The following SLC38A9 variants were observed in gnomAD, a reference collection of about 807,000 sequenced individuals.
SLC38A9 encodes solute carrier family 38 member 9.
Under a neutral mutation model 62.3 loss-of-function variants are expected in SLC38A9, and 48 were observed. The observed-to-expected ratio is 0.77, with a 90% CI of 0.61 to 0.98. The LOEUF (loss-of-function observed/expected upper bound fraction) is 0.98. SLC38A9 is among the 50% of genes least tolerant of loss of function. The probability of loss-of-function intolerance (pLI) is 0.00; values close to 1 mark genes in which losing one functional copy is unlikely to be tolerated. For synonymous variants in SLC38A9, 204 were observed against 227.7 expected, an observed-to-expected ratio of 0.90 and a Z score of 0.94; for missense variants, 541 against 679.8, an observed-to-expected ratio of 0.80 and a Z score of 2.27.
intron 3 of SLC38A9, among the ~76,000 whole-genome samples, chr5:55,684,846 G>A (rs1160475721): frequency 6.6e-6 from 1 of 152,058 alleles, no homozygotes; most frequent in African/African-American, 2.4e-5. Flanking sequence ...TAGAGACAGG[G>A]TTTCACCATG....
intron 3 of SLC38A9, among the ~76,000 whole-genome samples, chr5:55,687,450 A>AAAAAAAAAT (rs1754074106): frequency 6.8e-6 from 1 of 147,278 alleles, no homozygotes; most frequent in African/African-American, 2.5e-5. Context: ...AAAAAAAAAA[A>AAAAAAAAAT]AGTTTTTTCT....
intron 2 of SLC38A9, among the ~76,000 whole-genome samples, chr5:55,711,170 G>C (rs1757982837): frequency 6.6e-6 from 1 of 151,688 alleles, no homozygotes; most frequent in Non-Finnish European, 1.5e-5. Context: ...GCGGGCAGCT[G>C]TAATCCTAGC....
intron 3 of SLC38A9, among the ~76,000 whole-genome samples, chr5:55,683,203 T>C (rs573026587): frequency 6.6e-6 from 1 of 152,262 alleles, no homozygotes; most frequent in Admixed American, 6.5e-5. Flanking sequence ...ACAGTAAATA[T>C]ACCAAAAGGT....
chr5:55,630,005 C>A (rs930377293), intron 14 of SLC38A9, among the ~76,000 whole-genome samples: 5 of 152,130 alleles, frequency 3.3e-5, no homozygotes, highest in African/African-American at 9.7e-5. Context: ...CGTAAAAGAT[C>A]CAAAGTGCAC....
intron 2 of SLC38A9, among the ~76,000 whole-genome samples, chr5:55,705,264 C>G (rs57528700): frequency 0.047 from 7,210 of 151,812 alleles, 266 homozygotes; most frequent in African/African-American, 0.11. Flanking sequence ...AAAGACAAAA[C>G]TTGGTGTCAT....
In SLC38A9 at chr5:55,674,711, T is replaced by A. The variant is rs575363981; in HGVS notation, c.114-2016A>T. ...ACTAAGACAATAAGCATATTATTGT[T>A]AAGTGAATTAAGTGGTGTCAATATA... On this transcript the variant is annotated intron_variant, in intron 3 of 15. Coordinates refer to ENST00000396865, the MANE Select transcript of SLC38A9 (RefSeq NM_173514.4). Among the ~76,000 whole-genome samples the A allele has an allele frequency of 1.3e-3, 199 of 152,328 alleles. 1 individual carries two copies. The highest frequency in any genetic ancestry group is 0.01 in the Middle Eastern group (3 of 294).
chr5:55,645,949 T>C (rs2150135256), intron 11 of SLC38A9, 54 bp from the exon 12 acceptor site: 2 of 1,185,154 alleles, frequency 1.7e-6, no homozygotes, highest in Non-Finnish European at 1.2e-6. Context: ...AAAATGAGTA[T>C]TGGTAGCCAA....
intron 3 of SLC38A9, among the ~76,000 whole-genome samples, chr5:55,673,709 C>CTTTT (rs201596512): frequency 7.8e-6 from 1 of 127,600 alleles, no homozygotes; most frequent in African/African-American, 2.9e-5. Flanking sequence ...TTAATCTAAT[C>CTTTT]TTTTTTTTTT....
intron 3 of SLC38A9, among the ~76,000 whole-genome samples, chr5:55,678,070 T>C (rs921561969): frequency 6.7e-6 from 1 of 150,244 alleles, no homozygotes; most frequent in African/African-American, 2.4e-5. Context: ...AGAGGAGAGC[T>C]TAGGGGACAG....
chr5:55,680,632 T>C (rs13162778), intron 3 of SLC38A9, among the ~76,000 whole-genome samples: 91,197 of 152,080 alleles, frequency 0.6, 27,941 homozygotes, highest in South Asian at 0.7. Flanking sequence ...TTATAAATTA[T>C]CCAGTCTCAA....
In SLC38A9 at chr5:55,664,896, T is replaced by C. The variant is rs192313249; in HGVS notation, c.527-33A>G. 66 of 1,404,084 alleles carry C rather than the reference T, an allele frequency of 4.7e-5. No homozygotes were observed. The African/African-American group carries it at 8.3e-4, about 18-fold the overall frequency. The allele number at this position is 1,404,084 out of a possible 1,614,324, so 87.0% of individuals were successfully genotyped here. A position where few individuals can be genotyped will look rare whatever the true frequency, so the allele number is the denominator to read the frequency against. ...AAATAAGAGAAAGAATAAAACTAAA[T>C]GTTGAACATATATTCCATATTCATA... On this transcript the variant is annotated intron_variant, in intron 7 of 15. Transcript: ENST00000396865.
intron 2 of SLC38A9, among the ~76,000 whole-genome samples, chr5:55,708,504 CA>C (rs1258398323): frequency 1.3e-5 from 2 of 152,184 alleles, no homozygotes; most frequent in Non-Finnish European, 2.9e-5. Flanking sequence ...TGTCTTTTCA[CA>C]ATTCTTTGCA....
chr5:55,653,816 GC>G (rs1747946710), intron 9 of SLC38A9, among the ~76,000 whole-genome samples: 2 of 152,060 alleles, frequency 1.3e-5, no homozygotes, highest in Admixed American at 6.6e-5. Context: ...ATGCCACCAT[GC>G]CCGGCTAATT....
intron 3 of SLC38A9, chr5:55,691,180 C>T: frequency 1.2e-6 from 1 of 838,130 alleles, no homozygotes; most frequent in Non-Finnish European, 2.0e-6. Context: ...GTTAGGACTT[C>T]ATATTTACCG....
At position 55,669,659 on chromosome 5, in the gene SLC38A9, T is replaced by C. The variant is rs780741655; in HGVS notation, c.369-39A>G. 1.0e-4 allele frequency: 160 copies of C among 1,593,544 alleles called. No homozygotes were observed. The East Asian group carries it at 3.6e-3, about 36-fold the overall frequency. On this transcript the variant is annotated intron_variant, in intron 5 of 15. Transcript: ENST00000396865. ...GTAATAGCAGTAAAAAAATGGAGTT[T>C]CACTCTTCAAACATTTTAATTGAGA...
chr5:55,646,879 T>A (rs1230604942), intron 11 of SLC38A9, among the ~76,000 whole-genome samples: 1 of 152,198 alleles, frequency 6.6e-6, no homozygotes, highest in Non-Finnish European at 1.5e-5. Context: ...GCTTCCCTGG[T>A]AACTAGGATT....
chr5:55,678,139 T>TTTTTG (rs139046033), intron 3 of SLC38A9, among the ~76,000 whole-genome samples: 786 of 35,286 alleles, frequency 0.022, 10 homozygotes, highest in African/African-American at 0.047. Context: ...AGGTTACTGG[T>TTTTTG]TTTTTTTTCT....
intron 7 of SLC38A9, among the ~76,000 whole-genome samples, chr5:55,667,004 G>C (rs1750584576): frequency 6.6e-6 from 1 of 151,618 alleles, no homozygotes; most frequent in South Asian, 2.1e-4. Flanking sequence ...GACAGAGTGA[G>C]ACTCCGTCTC....
intron 9 of SLC38A9, among the ~76,000 whole-genome samples, chr5:55,653,246 C>T (rs908031755): frequency 2.0e-5 from 3 of 152,100 alleles, no homozygotes; most frequent in Non-Finnish European, 2.9e-5. Flanking sequence ...GCATTACAGG[C>T]GTGAGCTACT....
Sources: allele counts gnomAD v4.1 joint callset (sites outside exome capture counted in the v4.1 genomes callset), GRCh38; gene constraint gnomAD v4.1.1; transcripts MANE v1.5; gene names NCBI Gene and HGNC (gene_info 2026-07-23, HGNC 2026-07-21).